Variants in NEBL observed in about 807,000 individuals in gnomAD.
NEBL encodes the protein LIM and SH3 protein 2.
NEBL carries 122 observed loss-of-function variants against 140.2 expected under a neutral mutation model. The ratio of observed to expected loss-of-function variants is 0.87; its 90% CI spans 0.75 to 1.01. The LOEUF (loss-of-function observed/expected upper bound fraction) is 1.01. Ranked by LOEUF, NEBL falls within the 50% of genes least tolerant of loss-of-function variation. NEBL has a pLI of 0.00. For synonymous variants in NEBL, 436 were observed against 398.9 expected, an observed-to-expected ratio of 1.09 and a Z score of -1.11; for missense variants, 1,365 against 1,231.3, an observed-to-expected ratio of 1.11 and a Z score of -1.62.
intron 2 of NEBL, among the ~76,000 whole-genome samples, chr10:21,031,392 A>G (rs1175731630): frequency 6.6e-6 from 1 of 152,210 alleles, no homozygotes; most frequent in African/African-American, 2.4e-5. Context: ...AAACACAGCC[A>G]GAGGACCGCA....
At chr10:20,931,419 C>T (rs1834177415) in intron 4 of NEBL, among the ~76,000 whole-genome samples, 1 of 152,146 alleles carries the variant, frequency 6.6e-6, no homozygotes, top group African/African-American at 2.4e-5. Context: ...AAACACTTTG[C>T]CATTTGAAAC....
intron 2 of NEBL, among the ~76,000 whole-genome samples, chr10:21,121,294 G>A (rs927901309): frequency 1.3e-5 from 2 of 152,024 alleles, no homozygotes; most frequent in Non-Finnish European, 2.9e-5. Context: ...AATTGTCAGG[G>A]GATTGATCAC....
At chr10:21,200,594 G>A (rs946423349) in intron 3 of NEBL, among the ~76,000 whole-genome samples, 6 of 152,142 alleles carry the variant, frequency 3.9e-5, no homozygotes, top group African/African-American at 9.7e-5. Flanking sequence ...GATTATAGGC[G>A]TGAGCCACCG....
chr10:21,051,062 C>T (rs1834756369), intron 2 of NEBL, among the ~76,000 whole-genome samples: 1 of 152,004 alleles, frequency 6.6e-6, no homozygotes, highest in Non-Finnish European at 1.5e-5. Context: ...AATTATATGC[C>T]CCTGAAACCC....
chr10:20,907,847 C>T (rs1288805690), intron 4 of NEBL, among the ~76,000 whole-genome samples: 1 of 152,214 alleles, frequency 6.6e-6, no homozygotes, highest in Admixed American at 6.5e-5. Context: ...TACTTTAAAA[C>T]TGCTGGAATC....
At chr10:21,011,744 G>A (rs55687305) in intron 3 of NEBL, among the ~76,000 whole-genome samples, 26,318 of 152,026 alleles carry the variant, frequency 0.17, 3,648 homozygotes, top group East Asian at 0.54. Context: ...ACAGCCTAGC[G>A]GTACCCCCTG....
chr10:20,854,622 T>G (rs1301099671), intron 9 of NEBL, among the ~76,000 whole-genome samples: 3 of 143,842 alleles, frequency 2.1e-5, no homozygotes, highest in Non-Finnish European at 4.5e-5. Context: ...TGGAGTGCAG[T>G]GGAGGGATCA....
Position 21,142,499 on chromosome 10 carries a change from TA to T in NEBL, c.164+29883del, listed in dbSNP as rs202225407. ...GTCAACAGCCACCTGTGAAACAAAC[TA>T]AACAAGACAAAGAAGTTTTCCAACA... On this transcript the variant is annotated intron_variant, in intron 2 of 6. Transcript: ENST00000417816. 4.0e-3 allele frequency among the ~76,000 whole-genome samples: 614 copies of T among 152,168 alleles called. 5 individuals carry two copies. Among genetic ancestry groups the T allele is most frequent in the East Asian group, 9.9e-3 (51 of 5,170 alleles).
At chr10:20,986,976 G>A (rs769952927) in intron 3 of NEBL, among the ~76,000 whole-genome samples, 2 of 152,092 alleles carry the variant, frequency 1.3e-5, no homozygotes, top group African/African-American at 4.8e-5. Context: ...ACTATCTTTG[G>A]AGTCCTATTT....
At chr10:21,160,791 A>T (rs1419735350) in intron 2 of NEBL, among the ~76,000 whole-genome samples, 3 of 152,090 alleles carry the variant, frequency 2.0e-5, no homozygotes, top group East Asian at 3.9e-4. Flanking sequence ...CCTTTTATTC[A>T]TCAGGAATTG....
intron 14 of NEBL, 146 bp downstream of exon 14, chr10:20,835,367 G>A (rs952998202): frequency 2.3e-5 from 17 of 749,940 alleles, no homozygotes; most frequent in Non-Finnish European, 1.2e-5. Context: ...TTTCAAACTG[G>A]CATAATGCTT....
chr10:20,874,102 C>T (rs1244325044), intron 5 of NEBL, among the ~76,000 whole-genome samples: 2 of 152,152 alleles, frequency 1.3e-5, no homozygotes, highest in Non-Finnish European at 1.5e-5. Context: ...AGAATTATTA[C>T]CTTATGTGCT....
At chr10:21,131,739 T>A (rs1253257379) in intron 2 of NEBL, among the ~76,000 whole-genome samples, 1 of 123,922 alleles carries the variant, frequency 8.1e-6, no homozygotes, top group Non-Finnish European at 1.9e-5. Flanking sequence ...GCTGAACTAG[T>A]TATTTCCTCC....
intron 26 of NEBL, among the ~76,000 whole-genome samples, chr10:20,790,126 T>G (rs1835826013): frequency 1.3e-5 from 2 of 152,036 alleles, no homozygotes; most frequent in African/African-American, 4.8e-5. Context: ...GAGTTTAGAA[T>G]GAGAAACTTT....
intron 4 of NEBL, among the ~76,000 whole-genome samples, chr10:20,918,091 A>T (rs1444021623): frequency 6.6e-6 from 1 of 152,048 alleles, no homozygotes; most frequent in Non-Finnish European, 1.5e-5. Flanking sequence ...AGGTGCAGTG[A>T]CTCATGCCTG....
intron 2 of NEBL, among the ~76,000 whole-genome samples, chr10:21,121,708 T>G (rs560851886): frequency 6.2e-4 from 94 of 152,222 alleles, no homozygotes; most frequent in African/African-American, 2.2e-3. Flanking sequence ...CCATCTCCGT[T>G]TAAATGTCAC....
intron 1 of NEBL, among the ~76,000 whole-genome samples, chr10:21,280,051 C>T (rs1268893336): frequency 6.6e-6 from 1 of 152,048 alleles, no homozygotes; most frequent in Non-Finnish European, 1.5e-5. Flanking sequence ...CCTAAAGACC[C>T]TAAAAAAAAG....
chr10:21,068,231 G>A (rs1392086568), intron 2 of NEBL, among the ~76,000 whole-genome samples: 1 of 152,150 alleles, frequency 6.6e-6, no homozygotes, highest in Admixed American at 6.5e-5. Flanking sequence ...GCATTTGTCA[G>A]CACTTTTCAA....
intron 2 of NEBL, among the ~76,000 whole-genome samples, chr10:21,070,435 T>C (rs1564500381): frequency 6.6e-6 from 1 of 152,192 alleles, no homozygotes. Flanking sequence ...ATATCACGTA[T>C]GTATTTTTTC....
Sources: allele counts gnomAD v4.1 joint callset (sites outside exome capture counted in the v4.1 genomes callset), GRCh38; gene constraint gnomAD v4.1.1; transcripts MANE v1.5; gene names NCBI Gene and HGNC (gene_info 2026-07-23, HGNC 2026-07-21).